Variants in CLTB observed in about 807,000 individuals in gnomAD.
CLTB encodes clathrin, light chain (Lcb).
CLTB carries 10 observed loss-of-function variants against 30.5 expected under a neutral mutation model. That is an observed-to-expected ratio of 0.33 (90% CI 0.20 to 0.56). The LOEUF (loss-of-function observed/expected upper bound fraction) is 0.56, where lower values mean the gene tolerates loss of function less well. Ranked by LOEUF, CLTB falls within the 20% of genes least tolerant of loss-of-function variation. The pLI, the probability that CLTB is intolerant of heterozygous loss-of-function variation, is 0.91. For synonymous variants in CLTB, 102 were observed against 120.3 expected (o/e 0.85, Z 1.00); for missense variants, 261 against 308.3 (o/e 0.85, Z 1.15).
At chr5:176,396,423 T>C (rs1756521438) in intron 5 of CLTB, 56 bp downstream of exon 5, 6 of 1,421,456 alleles carry the variant, frequency 4.2e-6, no homozygotes, top group Middle Eastern at 1.8e-4. Context: ...CTCAAGAAAC[T>C]GTGGTGGCCA....
intron 1 of CLTB, among the ~76,000 whole-genome samples, chr5:176,411,395 T>C: frequency 6.6e-6 from 1 of 152,144 alleles, no homozygotes. Context: ...TAGCGCCTAC[T>C]CCTGCCTTGG....
intron 1 of CLTB, among the ~76,000 whole-genome samples, chr5:176,413,901 C>T (rs965531625): frequency 4.6e-5 from 7 of 152,304 alleles, no homozygotes; most frequent in African/African-American, 1.7e-4. Context: ...GCTGTATCCC[C>T]GGCACCTCCC....
intron 2 of CLTB, among the ~76,000 whole-genome samples, chr5:176,400,608 C>T (rs1454636194): frequency 1.3e-5 from 2 of 152,352 alleles, no homozygotes; most frequent in Admixed American, 6.5e-5. Context: ...CTGGCACCCA[C>T]GCCCTCCGCA....
intron 2 of CLTB, among the ~76,000 whole-genome samples, chr5:176,400,756 C>T (rs1338957778): frequency 6.6e-6 from 1 of 152,222 alleles, no homozygotes; most frequent in Non-Finnish European, 1.5e-5. Context: ...CGTTGTTTGA[C>T]ATCTTCTCCA....
chr5:176,396,566 G>A lies in CLTB; in HGVS notation c.465-34C>T, dbSNP rs748680853. Reference sequence around the variant, plus strand: ...AAAGGTTGAGGGAAGGGGTTAGGTGGGGGAAGGCAGATGGCAAGACAGACA... The same window carrying A: ...AAAGGTTGAGGGAAGGGGTTAGGTGAGGGAAGGCAGATGGCAAGACAGACA... On this transcript the variant is annotated intron_variant, in intron 4 of 5. Transcript: ENST00000310418. 5.8e-6 allele frequency: 9 copies of A among 1,561,482 alleles called. No homozygotes were observed. In the South Asian group the frequency reaches 9.0e-5, roughly 16 times the overall value.
intron 1 of CLTB, among the ~76,000 whole-genome samples, chr5:176,412,613 C>T (rs565653162): frequency 6.6e-6 from 1 of 152,312 alleles, no homozygotes. Flanking sequence ...CTGTGAGCAG[C>T]GACAGTGTGT....
At chr5:176,410,158 C>T in intron 2 of CLTB, 99 bp downstream of exon 2, 1 of 1,061,362 alleles carries the variant, frequency 9.4e-7, no homozygotes, top group Non-Finnish European at 1.4e-6. Context: ...ACATAATGAA[C>T]AGGAGAACCT....
chr5:176,408,262 G>A (rs1405851113), intron 2 of CLTB, among the ~76,000 whole-genome samples: 1 of 151,380 alleles, frequency 6.6e-6, no homozygotes, highest in Non-Finnish European at 1.5e-5. Flanking sequence ...TGCCGGGCAC[G>A]GTGGCTCGTG....
At chr5:176,415,094 A>C (rs1266425824) in intron 1 of CLTB, among the ~76,000 whole-genome samples, 1 of 152,218 alleles carries the variant, frequency 6.6e-6, no homozygotes, top group African/African-American at 2.4e-5. Context: ...TTTTTTACTA[A>C]ATATTTTACA....
chr5:176,399,447 A>G lies in CLTB; in HGVS notation c.235-1400T>C, dbSNP rs147843795. ...AACCTTGCCTGACTTTTGTTTTCTC[A>G]TTTGAAAAATGGGGCTGGGCATGGT... On this transcript the variant is annotated intron_variant, in intron 2 of 5. Coordinates refer to ENST00000310418, the MANE Select transcript of CLTB (RefSeq NM_007097.5). Among the ~76,000 whole-genome samples, 475 of 152,212 alleles carry G rather than the reference A, an allele frequency of 3.1e-3. 5 individuals are homozygous for G. Among genetic ancestry groups the G allele is most frequent in the African/African-American group, 0.011 (448 of 41,542 alleles).
At chr5:176,410,193 G>A in intron 2 of CLTB, 64 bp downstream of exon 2, 2 of 1,386,560 alleles carry the variant, frequency 1.4e-6, no homozygotes, top group East Asian at 2.3e-5. Context: ...ACAACAATGA[G>A]GCTTTAGGTT....
At chr5:176,407,012 C>T (rs549617962) in intron 2 of CLTB, among the ~76,000 whole-genome samples, 1 of 152,330 alleles carries the variant, frequency 6.6e-6, no homozygotes, top group African/African-American at 2.4e-5. Flanking sequence ...TGTAAGGATT[C>T]TCGGATGGCA....
intron 2 of CLTB, among the ~76,000 whole-genome samples, chr5:176,407,810 A>G (rs1160401240): frequency 6.6e-6 from 1 of 152,196 alleles, no homozygotes; most frequent in Non-Finnish European, 1.5e-5. Context: ...CTGAAGTCCT[A>G]GAGATGGACT....
intron 5 of CLTB, among the ~76,000 whole-genome samples, chr5:176,396,042 G>A (rs1756505806): frequency 6.6e-6 from 1 of 152,284 alleles, no homozygotes; most frequent in African/African-American, 2.4e-5. Context: ...GGCTGAGGCA[G>A]GAGAATCGCT....
rs75395817 is a variant in CLTB, at chr5:176,406,448, C to T, written c.234+3809G>A. The T allele has an allele frequency of 1.6e-3, 1,913 of 1,179,486 alleles. 1 individual carries two copies. Among genetic ancestry groups the T allele is most frequent in the Non-Finnish European group, 1.9e-3 (1,804 of 934,438 alleles). The allele number at this position is 1,179,486 out of a possible 1,614,324, so 73.1% of individuals were successfully genotyped here. A position where few individuals can be genotyped will look rare whatever the true frequency, so the allele number is the denominator to read the frequency against. On this transcript the variant is annotated intron_variant, in intron 2 of 5. Transcript: ENST00000310418. ...CTCCAGGGATGGCCAAGAGGATGAG[C>T]CACATCCTTCTTTGGGATTGATCAG...
chr5:176,399,534 G>A lies in CLTB; in HGVS notation c.235-1487C>T, dbSNP rs900195911. On this transcript the variant is annotated intron_variant, in intron 2 of 5. Coordinates refer to ENST00000310418, the MANE Select transcript of CLTB (RefSeq NM_007097.5). ...AGGCAGGAGGATCACTTGAGGCCAG[G>A]AGTTTAAGACCAGCCTGGGCAACAC... 2.6e-5 allele frequency among the ~76,000 whole-genome samples: 4 copies of A among 152,188 alleles called. No homozygotes were observed. The South Asian group carries it at 6.2e-4, about 24-fold the overall frequency.
chr5:176,415,177 G>A (rs1238089586), intron 1 of CLTB, among the ~76,000 whole-genome samples: 2 of 152,198 alleles, frequency 1.3e-5, no homozygotes, highest in Non-Finnish European at 1.5e-5. Context: ...ACTAGGCCCT[G>A]AACACTGAGG....
chr5:176,412,395 G>C (rs531666166), intron 1 of CLTB, among the ~76,000 whole-genome samples: 9 of 152,098 alleles, frequency 5.9e-5, no homozygotes, highest in African/African-American at 2.2e-4. Context: ...CCCCTTACCA[G>C]GCTCCGTGTC....
intron 2 of CLTB, among the ~76,000 whole-genome samples, chr5:176,404,388 A>G (rs570265685): frequency 1.4e-4 from 21 of 152,240 alleles, no homozygotes; most frequent in Non-Finnish European, 1.6e-4. Context: ...GCTGCAGAGC[A>G]CTTTTTTCCA....
Sources: allele counts gnomAD v4.1 joint callset (sites outside exome capture counted in the v4.1 genomes callset), GRCh38; gene constraint gnomAD v4.1.1; transcripts MANE v1.5; gene names NCBI Gene and HGNC (gene_info 2026-07-23, HGNC 2026-07-21).